OSBPL1A: variants seen among roughly 807,000 people sequenced by gnomAD.
The protein encoded by OSBPL1A is oxysterol binding protein like 1A.
A neutral mutation model predicts 137.1 loss-of-function variants in OSBPL1A; 80 were observed. That is an observed-to-expected ratio of 0.58 (90% CI 0.49 to 0.70). The LOEUF (loss-of-function observed/expected upper bound fraction) is 0.70, where lower values mean the gene tolerates loss of function less well. OSBPL1A is among the 30% of genes least tolerant of loss of function. The pLI is 0.00. For missense variants in OSBPL1A, 970 were observed against 1,129.4 expected, an observed-to-expected ratio of 0.86 and a Z score of 2.02; for synonymous variants, 365 against 389.7, an observed-to-expected ratio of 0.94 and a Z score of 0.75.
intron 4 of OSBPL1A, among the ~76,000 whole-genome samples, chr18:24,362,244 TA>T (rs138666209): frequency 2.7e-5 from 4 of 150,312 alleles, no homozygotes; most frequent in East Asian, 2.0e-4. Context: ...AGCAAGACCA[TA>T]AAAAAAAACA....
intron 22 of OSBPL1A, among the ~76,000 whole-genome samples, chr18:24,171,736 G>T (rs1390328092): frequency 1.3e-5 from 2 of 152,142 alleles, no homozygotes; most frequent in Non-Finnish European, 2.9e-5. Flanking sequence ...TAGAATGGGA[G>T]CCCAGCTCTT....
intron 4 of OSBPL1A, among the ~76,000 whole-genome samples, chr18:24,346,282 C>A (rs1016238754): frequency 3.9e-5 from 6 of 152,094 alleles, no homozygotes; most frequent in Non-Finnish European, 7.4e-5. Context: ...AATCCTCATG[C>A]CCAGATTATT....
chr18:24,359,632 G>A (rs796672158), intron 4 of OSBPL1A, among the ~76,000 whole-genome samples: 6 of 151,508 alleles, frequency 4.0e-5, no homozygotes, highest in African/African-American at 1.2e-4. Flanking sequence ...AGCTATGAGG[G>A]CCCCACTGCA....
At chr18:24,362,392 C>T (rs2091637731) in intron 4 of OSBPL1A, among the ~76,000 whole-genome samples, 1 of 152,176 alleles carries the variant, frequency 6.6e-6, no homozygotes, top group Non-Finnish European at 1.5e-5. Flanking sequence ...TGAGTTAAGA[C>T]TCCATATCTG....
At chr18:24,390,123 C>G (rs1020828790) in intron 1 of OSBPL1A, among the ~76,000 whole-genome samples, 35 of 152,234 alleles carry the variant, frequency 2.3e-4, no homozygotes, top group Non-Finnish European at 3.8e-4. Flanking sequence ...GTTAAAATCT[C>G]AGACATCCAG....
chr18:24,377,029 C>G (rs186418559), intron 2 of OSBPL1A, among the ~76,000 whole-genome samples: 1,692 of 152,346 alleles, frequency 0.011, 15 homozygotes, highest in South Asian at 0.016. Context: ...CAGAAAGGGG[C>G]TCCCACAGTG....
chr18:24,163,947 G>A (rs1337460285), intron 27 of OSBPL1A, among the ~76,000 whole-genome samples: 9 of 152,174 alleles, frequency 5.9e-5, no homozygotes, highest in African/African-American at 2.2e-4. Flanking sequence ...GGTCAGGCTG[G>A]TCTCGAACTC....
intron 18 of OSBPL1A, among the ~76,000 whole-genome samples, chr18:24,194,153 C>T (rs564460882): frequency 6.6e-5 from 10 of 152,284 alleles, no homozygotes; most frequent in African/African-American, 2.2e-4. Flanking sequence ...ACTGTATATT[C>T]TAAAGTGGCC....
chr18:24,224,996 T>G, intron 17 of OSBPL1A, 46 bp downstream of exon 17: 1 of 1,609,124 alleles, frequency 6.2e-7, no homozygotes. Flanking sequence ...CCAAATGTAC[T>G]TTATCGTAAA....
At chr18:24,195,025 A>G (rs755738368) in intron 18 of OSBPL1A, among the ~76,000 whole-genome samples, 22 of 152,210 alleles carry the variant, frequency 1.4e-4, no homozygotes, top group Non-Finnish European at 2.4e-4. Flanking sequence ...GAGGCCAGGC[A>G]TGGTGGCTAA....
At chr18:24,321,889 C>T (rs117228723) in intron 7 of OSBPL1A, 9,573 of 332,242 alleles carry the variant, frequency 0.029, 184 homozygotes, top group Non-Finnish European at 0.038. Context: ...ATTAATTATG[C>T]TATTTGATTT....
At chr18:24,289,418 G>T (rs866666383) in intron 14 of OSBPL1A, among the ~76,000 whole-genome samples, 169 of 94,120 alleles carry the variant, frequency 1.8e-3, no homozygotes, top group Middle Eastern at 9.6e-3. Context: ...GTTTTTTCCT[G>T]TTTTTTTTTT....
intron 15 of OSBPL1A, among the ~76,000 whole-genome samples, chr18:24,249,323 C>G (rs2088998920): frequency 1.3e-5 from 2 of 152,162 alleles, no homozygotes; most frequent in Non-Finnish European, 2.9e-5. Context: ...TTTTATGTAT[C>G]ATCATGTAAA....
chr18:24,365,025 CAA>C (rs56400717), intron 4 of OSBPL1A, among the ~76,000 whole-genome samples: 100 of 89,684 alleles, frequency 1.1e-3, no homozygotes, highest in African/African-American at 3.4e-3. Context: ...AAAACAACAA[CAA>C]AAAAAAAAAA....
At chr18:24,255,913 G>GC (rs1448796816) in intron 15 of OSBPL1A, among the ~76,000 whole-genome samples, 1 of 152,048 alleles carries the variant, frequency 6.6e-6, no homozygotes, top group East Asian at 1.9e-4. Flanking sequence ...TCCTGCCTCA[G>GC]CCCCCCAAGT....
At chr18:24,208,844 C>T (rs776081732) in intron 17 of OSBPL1A, among the ~76,000 whole-genome samples, 17 of 152,132 alleles carry the variant, frequency 1.1e-4, no homozygotes, top group Non-Finnish European at 2.1e-4. Context: ...CCATTGTTTA[C>T]TCTGAGGAAT....
At chr18:24,269,076 T>C (rs2089653577) in intron 15 of OSBPL1A, among the ~76,000 whole-genome samples, 1 of 152,212 alleles carries the variant, frequency 6.6e-6, no homozygotes, top group African/African-American at 2.4e-5. Context: ...TTCTGAAGCA[T>C]CTCTGCTCTG....
At chr18:24,272,121 G>A (rs2089738548) in intron 15 of OSBPL1A, 5 of 983,752 alleles carry the variant, frequency 5.1e-6, no homozygotes, top group East Asian at 1.1e-4. Flanking sequence ...ACGGCCCTCC[G>A]AGGAGAGGTC....
chr18:24,311,528 A>C (rs1044860126), intron 13 of OSBPL1A: 1 of 988,808 alleles, frequency 1.0e-6, no homozygotes, highest in Admixed American at 5.9e-5. Flanking sequence ...ATGATGCTTT[A>C]CCTTATCTCT....
Sources: allele counts gnomAD v4.1 joint callset (sites outside exome capture counted in the v4.1 genomes callset), GRCh38; gene constraint gnomAD v4.1.1; transcripts MANE v1.5; gene names NCBI Gene and HGNC (gene_info 2026-07-23, HGNC 2026-07-21).